PTPRQ: variants seen among roughly 807,000 people sequenced by gnomAD.
PTPRQ encodes the protein protein tyrosine phosphatase receptor type Q.
PTPRQ carries 199 observed loss-of-function variants against 246.0 expected under a neutral mutation model. That is an observed-to-expected ratio of 0.81 (90% CI 0.72 to 0.91). The LOEUF (loss-of-function observed/expected upper bound fraction) is 0.91. PTPRQ is among the 40% of genes least tolerant of loss of function. PTPRQ has a pLI of 0.00. For missense variants in PTPRQ, 2,624 were observed against 2,528.4 expected, an observed-to-expected ratio of 1.04 and a Z score of -0.81; for synonymous variants, 869 against 853.2, an observed-to-expected ratio of 1.02 and a Z score of -0.32.
At chr12:80,512,925 A>T (rs1230980852) in intron 17 of PTPRQ, 1 of 151,992 alleles carries the variant, frequency 6.6e-6, no homozygotes, top group African/African-American at 2.4e-5. Context: ...GGGGCGTGCG[A>T]CCGGGGTGTG....
At chr12:80,604,782 G>T (rs990367739) in intron 26 of PTPRQ, among the ~76,000 whole-genome samples, 20 of 151,294 alleles carry the variant, frequency 1.3e-4, no homozygotes, top group Admixed American at 9.2e-4. Context: ...CAATAGTAAT[G>T]CTTTCCTTTC....
At chr12:80,644,387 A>G (rs1899994253) in intron 35 of PTPRQ, among the ~76,000 whole-genome samples, 1 of 152,176 alleles carries the variant, frequency 6.6e-6, no homozygotes, top group Non-Finnish European at 1.5e-5. Flanking sequence ...TTTATCCAGT[A>G]ATGAACTGAT....
chr12:80,576,505 G>T (rs1273557529), intron 25 of PTPRQ, among the ~76,000 whole-genome samples: 1 of 152,040 alleles, frequency 6.6e-6, no homozygotes, highest in Non-Finnish European at 1.5e-5. Flanking sequence ...TCAACATTTG[G>T]TGGAACTTGT....
chr12:80,477,681 G>C (rs538050163), intron 8 of PTPRQ, among the ~76,000 whole-genome samples: 4 of 152,270 alleles, frequency 2.6e-5, no homozygotes, highest in African/African-American at 4.8e-5. Context: ...CACCGTGTGC[G>C]AGCCGAAGCA....
rs768266349 is a variant in PTPRQ at position 80,549,607 on chromosome 12, C to T, written c.4158C>T (p.Pro1386=). ...AAAGGAATTCTACAAAAGTTTCTCC[C>T]CAAGATCACATGTACACTTTCATAA... ...TVERNSTKVS[P]QDHMYTFIKL... Residue 1386 remains proline (P), a synonymous_variant, in exon 25 of 45, where the codon CCC becomes CCT. Transcript: ENST00000644991. 7.1e-6 allele frequency: 11 copies of T among 1,551,052 alleles called. No homozygotes were observed. The highest frequency in any genetic ancestry group is 9.6e-6 in the Non-Finnish European group (11 of 1,146,610).
chr12:80,515,040 T>C (rs1447924989), intron 17 of PTPRQ, among the ~76,000 whole-genome samples: 1 of 150,598 alleles, frequency 6.6e-6, no homozygotes. Context: ...TAACATACTT[T>C]AGTGTCTTAC....
chr12:80,616,147 A>C, intron 29 of PTPRQ, 53 bp from the exon 30 acceptor site: 4 of 1,329,700 alleles, frequency 3.0e-6, no homozygotes, highest in Non-Finnish European at 4.0e-6. Context: ...ATATATACAC[A>C]CACATACATA....
chr12:80,529,820 T>C (rs535284943), intron 17 of PTPRQ, among the ~76,000 whole-genome samples: 1 of 152,178 alleles, frequency 6.6e-6, no homozygotes, highest in Non-Finnish European at 1.5e-5. Context: ...ATTAAATTTT[T>C]TTTTCATTTC....
intron 14 of PTPRQ, among the ~76,000 whole-genome samples, chr12:80,503,957 G>A (rs1894878262): frequency 6.6e-6 from 1 of 150,832 alleles, no homozygotes; most frequent in Non-Finnish European, 1.5e-5. Context: ...TTTTTTTTCT[G>A]GTACTGTTAA....
chr12:80,468,709 G>A lies in PTPRQ; in HGVS notation c.911-1G>A. 1.3e-6 allele frequency: 2 copies of A among 1,528,938 alleles called. No homozygotes were observed. The highest frequency in any genetic ancestry group is 1.8e-6 in the Non-Finnish European group (2 of 1,138,602). 94.7% of individuals were successfully genotyped at this position (1,528,938 alleles called of 1,614,324 possible). A position where few individuals can be genotyped will look rare whatever the true frequency, so the allele number is the denominator to read the frequency against. The stretch of plus-strand genomic sequence containing the variant: ...GTATTTATTTTCTATAATTATTTTA[G>A]TGCCTGAAGGACCACCACAAAACTG... On this transcript the variant is annotated splice_acceptor_variant, in intron 6 of 44. Coordinates refer to ENST00000644991, the MANE Select transcript of PTPRQ (RefSeq NM_001145026.2). LOFTEE classifies it high-confidence loss of function.
intron 35 of PTPRQ, among the ~76,000 whole-genome samples, chr12:80,640,746 C>T (rs1356073109): frequency 6.6e-6 from 1 of 151,946 alleles, no homozygotes; most frequent in African/African-American, 2.4e-5. Context: ...TTCCAAAGCT[C>T]CCCCCAAAAG....
At chr12:80,485,372 C>G (rs1242163243) in intron 9 of PTPRQ, among the ~76,000 whole-genome samples, 1 of 152,120 alleles carries the variant, frequency 6.6e-6, no homozygotes, top group African/African-American at 2.4e-5. Context: ...TCCTTAGGAC[C>G]AGTGCAGCAA....
chr12:80,566,334 C>T (rs1012851266), intron 25 of PTPRQ, among the ~76,000 whole-genome samples: 7 of 151,828 alleles, frequency 4.6e-5, no homozygotes, highest in South Asian at 2.1e-4. Flanking sequence ...AAAAGTTAGC[C>T]GGGCATGGTG....
At position 80,542,760 on chromosome 12, in the gene PTPRQ, T is replaced by C. The variant is rs1896192243; in HGVS notation, c.3752T>C (p.Leu1251Ser). The C allele has an allele frequency of 6.5e-7, 1 of 1,547,596 alleles. No homozygotes were observed. Among genetic ancestry groups the C allele is most frequent in the Non-Finnish European group, 8.7e-7 (1 of 1,145,664 alleles). Reference protein sequence around the residue: ...VPLAPPQNLTLINCTSDFVWL... With the variant: ...VPLAPPQNLTSINCTSDFVWL... ...TTAGCACCTCCACAAAATTTGACTT[T>C]AATCAACTGTACTTCAGACTTTGTA... The change falls in exon 23 of 45, where the codon TTA (leucine) becomes TCA (serine). Residue 1251 changes from leucine (L) to serine (S), a missense_variant. Physicochemically the swap from Leu to Ser is moderately radical, Grantham distance 145. Coordinates refer to ENST00000644991, the MANE Select transcript of PTPRQ (RefSeq NM_001145026.2).
At chr12:80,631,386 T>C (rs895316375) in intron 33 of PTPRQ, among the ~76,000 whole-genome samples, 1 of 152,202 alleles carries the variant, frequency 6.6e-6, no homozygotes, top group Non-Finnish European at 1.5e-5. Context: ...TCAGTATTTT[T>C]GTTATTTGTA....
chr12:80,674,620 T>TAAAC (rs1441355035), intron 43 of PTPRQ, among the ~76,000 whole-genome samples: 14 of 152,160 alleles, frequency 9.2e-5, no homozygotes, highest in Admixed American at 4.6e-4. Flanking sequence ...GTAGATTATT[T>TAAAC]AGTTATGTAA....
intron 39 of PTPRQ, among the ~76,000 whole-genome samples, chr12:80,665,752 G>GA (rs893642693): frequency 1.3e-4 from 19 of 151,272 alleles, no homozygotes; most frequent in African/African-American, 3.4e-4. Flanking sequence ...CTCAATAGCA[G>GA]AAAAAAAATC....
intron 20 of PTPRQ, 88 bp from the exon 21 acceptor site, chr12:80,541,467 C>G (rs1430659573): frequency 9.4e-7 from 1 of 1,064,188 alleles, no homozygotes; most frequent in Non-Finnish European, 1.2e-6. Context: ...GTAATAGTTG[C>G]CATTTCAACA....
chr12:80,662,135 A>G (rs1900653109), intron 39 of PTPRQ, among the ~76,000 whole-genome samples: 1 of 151,982 alleles, frequency 6.6e-6, no homozygotes, highest in South Asian at 2.1e-4. Context: ...GCAGATAATT[A>G]GGTTTGCACC....
Sources: allele counts gnomAD v4.1 joint callset (sites outside exome capture counted in the v4.1 genomes callset), GRCh38; gene constraint gnomAD v4.1.1; transcripts MANE v1.5; gene names NCBI Gene and HGNC (gene_info 2026-07-23, HGNC 2026-07-21).